DOCK1: variants seen among roughly 807,000 people sequenced by gnomAD.
The protein encoded by DOCK1 is dedicator of cytokinesis protein 1.
In DOCK1, 138 loss-of-function variants were observed where a neutral mutation model predicts 262.7. The observed-to-expected ratio is 0.53, with a 90% CI of 0.46 to 0.61. DOCK1 has a LOEUF of 0.61. Ranked by LOEUF, DOCK1 falls within the 20% of genes least tolerant of loss-of-function variation. The pLI is 0.00. For missense variants in DOCK1, 1,908 were observed against 2,370.7 expected (o/e 0.80, Z 4.05); for synonymous variants, 866 against 867.4 (o/e 1.00, Z 0.03).
Position 127,012,694 on chromosome 10 carries a change from G to A in DOCK1, c.1201+320G>A, listed in dbSNP as rs924606107. Among the ~76,000 whole-genome samples, 3 of 152,168 alleles carry A rather than the reference G, an allele frequency of 2.0e-5. No homozygotes were observed. The highest frequency in any genetic ancestry group is 7.2e-5 in the African/African-American group (3 of 41,444). On this transcript the variant is annotated intron_variant, in intron 12 of 51. Coordinates refer to ENST00000623213, the MANE Select transcript of DOCK1 (RefSeq NM_001290223.2). This position sits in a 1 kb window ranked among gnomAD's most constrained non-coding sequence, Gnocchi z 4.0. The stretch of plus-strand genomic sequence containing the variant: ...GTGTGCTAATCTTTGCCTGTTCTGG[G>A]TCTTCCCTGCTGGTCTCCCTAAGAA...
intron 27 of DOCK1, among the ~76,000 whole-genome samples, chr10:127,212,197 A>G (rs1010812966): frequency 6.6e-6 from 1 of 152,148 alleles, no homozygotes; most frequent in Non-Finnish European, 1.5e-5. Context: ...AGTTGTTTAC[A>G]AGGCGGCTTT....
chr10:127,361,386 T>C (rs560884373), intron 32 of DOCK1, among the ~76,000 whole-genome samples: 1 of 152,170 alleles, frequency 6.6e-6, no homozygotes, highest in Non-Finnish European at 1.5e-5. Flanking sequence ...AGTGCTGGGA[T>C]TACAGGCGTG....
At chr10:126,911,049 T>C (rs184442730) in intron 1 of DOCK1, among the ~76,000 whole-genome samples, 3 of 152,332 alleles carry the variant, frequency 2.0e-5, no homozygotes, top group East Asian at 3.9e-4. Context: ...CTTCATTTTC[T>C]GGGATAAATG....
intron 1 of DOCK1, among the ~76,000 whole-genome samples, chr10:126,921,198 T>TAAA (rs1564983824): frequency 6.5e-5 from 5 of 76,676 alleles, no homozygotes; most frequent in African/African-American, 2.2e-4. Context: ...AGACTCTATC[T>TAAA]CAAAAAAAAA....
intron 27 of DOCK1, among the ~76,000 whole-genome samples, chr10:127,167,330 A>G (rs893276394): frequency 6.6e-6 from 1 of 152,234 alleles, no homozygotes; most frequent in Non-Finnish European, 1.5e-5. Context: ...AAAAGAAAAG[A>G]AAATGGCTTC....
At chr10:127,055,427 A>G (rs1309384849) in intron 22 of DOCK1, among the ~76,000 whole-genome samples, 1 of 152,236 alleles carries the variant, frequency 6.6e-6, no homozygotes, top group Admixed American at 6.5e-5. Flanking sequence ...CCTCATCCCT[A>G]GAAAGTGTCA....
At chr10:126,944,220 A>G (rs2035226376) in intron 1 of DOCK1, among the ~76,000 whole-genome samples, 1 of 141,158 alleles carries the variant, frequency 7.1e-6, no homozygotes, top group South Asian at 2.2e-4. Context: ...AGGGGAGGGA[A>G]GTGTCTAGGC....
intron 23 of DOCK1, among the ~76,000 whole-genome samples, chr10:127,079,244 C>G (rs893474407): frequency 1.3e-5 from 2 of 152,168 alleles, no homozygotes; most frequent in African/African-American, 4.8e-5. Context: ...GAATCTGAAC[C>G]TCTTGATCCC....
intron 38 of DOCK1, among the ~76,000 whole-genome samples, chr10:127,390,173 T>C (rs2066392348): frequency 6.6e-6 from 1 of 152,130 alleles, no homozygotes; most frequent in Non-Finnish European, 1.5e-5. Flanking sequence ...TGATTAAACC[T>C]CTTTTCTTTA....
intron 23 of DOCK1, among the ~76,000 whole-genome samples, chr10:127,080,039 T>A (rs1418226597): frequency 1.3e-5 from 2 of 152,158 alleles, no homozygotes; most frequent in East Asian, 3.9e-4. Flanking sequence ...TAATTTGGGG[T>A]AATTAGCATA....
At chr10:127,393,066 G>A (rs34946334) in intron 38 of DOCK1, among the ~76,000 whole-genome samples, 72,187 of 152,038 alleles carry the variant, frequency 0.47, 17,493 homozygotes, top group African/African-American at 0.5. Context: ...GACTGAGAGC[G>A]CCACGTGCAC....
At chr10:127,090,776 T>C (rs1334336983) in intron 23 of DOCK1, among the ~76,000 whole-genome samples, 1 of 152,158 alleles carries the variant, frequency 6.6e-6, no homozygotes, top group Non-Finnish European at 1.5e-5. Flanking sequence ...GTATATGGCT[T>C]CTTTTACTTA....
At chr10:126,909,930 T>C (rs2031516125) in intron 1 of DOCK1, among the ~76,000 whole-genome samples, 1 of 152,234 alleles carries the variant, frequency 6.6e-6, no homozygotes, top group South Asian at 2.1e-4. Flanking sequence ...TAGTGTGTTT[T>C]GCTTCCTAAT....
At chr10:127,021,866 A>G (rs191587373) in intron 13 of DOCK1, among the ~76,000 whole-genome samples, 8 of 152,188 alleles carry the variant, frequency 5.3e-5, no homozygotes, top group Non-Finnish European at 1.2e-4. Flanking sequence ...AGCAAGGAGC[A>G]AAGAGAGTTA....
intron 1 of DOCK1, among the ~76,000 whole-genome samples, chr10:126,963,654 C>CCCTCCTTT (rs1209936106): frequency 5.0e-5 from 6 of 119,930 alleles, no homozygotes; most frequent in African/African-American, 1.5e-4. Context: ...TTCCTTCCTT[C>CCCTCCTTT]CTTCCTTCCT....
At chr10:127,238,495 C>T (rs2059151607) in intron 27 of DOCK1, among the ~76,000 whole-genome samples, 1 of 152,158 alleles carries the variant, frequency 6.6e-6, no homozygotes, top group Non-Finnish European at 1.5e-5. Context: ...CTTCTTCATT[C>T]CGTGTTTTTT....
chr10:127,193,918 A>G (rs775165655), intron 27 of DOCK1, among the ~76,000 whole-genome samples: 2 of 152,182 alleles, frequency 1.3e-5, no homozygotes, highest in Non-Finnish European at 2.9e-5. Flanking sequence ...GGAGCTTCCC[A>G]GCTTTTGCCT....
intron 13 of DOCK1, among the ~76,000 whole-genome samples, chr10:127,021,423 G>T (rs370734713): frequency 6.6e-6 from 1 of 152,186 alleles, no homozygotes; most frequent in South Asian, 2.1e-4. Flanking sequence ...CCTGAGCCTC[G>T]CAAAGCGCTG....
intron 44 of DOCK1, among the ~76,000 whole-genome samples, chr10:127,415,975 G>A (rs1465846222): frequency 2.0e-5 from 3 of 152,264 alleles, no homozygotes; most frequent in African/African-American, 7.2e-5. Flanking sequence ...AACTCACTGA[G>A]GGGGTGGCAC....
Sources: gnomAD v4.1 joint callset for allele counts (sites outside exome capture counted in the v4.1 genomes callset) on GRCh38, gnomAD v4.1.1 for gene constraint, Gnocchi (gnomAD v3.1) non-coding constraint, MANE v1.5 for transcripts, NCBI Gene and HGNC (gene_info 2026-07-23, HGNC 2026-07-21) for gene names.